Variants in ZYG11B observed in about 807,000 individuals in gnomAD.
The protein encoded by ZYG11B is protein zyg-11 homolog B.
Under a neutral mutation model 82.4 loss-of-function variants are expected in ZYG11B, and 36 were observed. The observed-to-expected ratio is 0.44, with a 90% CI of 0.33 to 0.58. The LOEUF is 0.58. Ranked by LOEUF, ZYG11B falls within the 20% of genes least tolerant of loss-of-function variation. ZYG11B has a pLI of 0.02. For missense variants in ZYG11B, 552 were observed against 895.6 expected, an observed-to-expected ratio of 0.62 and a Z score of 4.90; for synonymous variants, 303 against 312.8, an observed-to-expected ratio of 0.97 and a Z score of 0.33.
At chr1:52,740,448 G>GT (rs1337329503) in intron 1 of ZYG11B, among the ~76,000 whole-genome samples, 1 of 151,934 alleles carries the variant, frequency 6.6e-6, no homozygotes, top group Admixed American at 6.6e-5. Flanking sequence ...AGAGTAGTTG[G>GT]TGTTCTTTTA....
At chr1:52,781,987 C>T (rs1396056215) in intron 4 of ZYG11B, among the ~76,000 whole-genome samples, 1 of 151,444 alleles carries the variant, frequency 6.6e-6, no homozygotes, top group Non-Finnish European at 1.5e-5. Flanking sequence ...GATCTCTAGT[C>T]TTGATCTGAA....
intron 2 of ZYG11B, 86 bp from the exon 3 acceptor site, chr1:52,770,934 G>A (rs952439860): frequency 6.4e-6 from 9 of 1,400,136 alleles, no homozygotes; most frequent in African/African-American, 1.4e-5. Context: ...TTACATGGGA[G>A]CGCTTTGGAA....
At chr1:52,735,837 A>G (rs547714313) in intron 1 of ZYG11B, among the ~76,000 whole-genome samples, 1 of 152,282 alleles carries the variant, frequency 6.6e-6, no homozygotes, top group Non-Finnish European at 1.5e-5. Flanking sequence ...GTCTGAGACA[A>G]TAGACCCTGT....
At chr1:52,758,840 A>T (rs1182746317) in intron 2 of ZYG11B, among the ~76,000 whole-genome samples, 3 of 152,176 alleles carry the variant, frequency 2.0e-5, no homozygotes, top group Non-Finnish European at 4.4e-5. Context: ...TTAAAGTTAA[A>T]AGTCCCTTAC....
intron 4 of ZYG11B, among the ~76,000 whole-genome samples, 180 bp from the exon 5 acceptor site, chr1:52,784,697 T>C (rs926542726): frequency 6.6e-6 from 1 of 152,184 alleles, no homozygotes; most frequent in Non-Finnish European, 1.5e-5. Flanking sequence ...ATACCTGCCT[T>C]GGTGAGGTAG....
At position 52,825,060 on chromosome 1, in the gene ZYG11B, G is replaced by T. The variant is rs1007683062; in HGVS notation, c.*3431G>T. 8 of 152,044 alleles carry T rather than the reference G, an allele frequency of 5.3e-5. No homozygotes were observed. The highest frequency in any genetic ancestry group is 3.2e-3 in the Middle Eastern group (1 of 316). 9.4% of individuals were successfully genotyped at this position (152,044 alleles called of 1,614,324 possible). ...AGGAAATGGAATTTGACTTTTTAGA[G>T]TATAATGATGTTCTAGGGCATAATG... On this transcript the variant is annotated 3_prime_UTR_variant, in exon 14 of 14. Coordinates refer to ENST00000294353, the MANE Select transcript of ZYG11B (RefSeq NM_024646.3).
chr1:52,824,407 G>T lies in ZYG11B; in HGVS notation c.*2778G>T, dbSNP rs577802099. On this transcript the variant is annotated 3_prime_UTR_variant, in exon 14 of 14. Coordinates refer to ENST00000294353, the MANE Select transcript of ZYG11B (RefSeq NM_024646.3). ...TGTAATCCCAGCACTTTGGGAGGCCGAGGTGGGTGGATCACAAGGTCAGGA... is the reference window on the plus strand; with the variant it reads ...TGTAATCCCAGCACTTTGGGAGGCCTAGGTGGGTGGATCACAAGGTCAGGA... The T allele has an allele frequency of 2.6e-5, 4 of 152,194 alleles. No individual in the cohort carries two copies. The highest frequency in any genetic ancestry group is 5.9e-5 in the Non-Finnish European group (4 of 68,098). The allele number at this position is 152,194 out of a possible 1,614,324, so 9.4% of individuals were successfully genotyped here.
Position 52,825,185 on chromosome 1 carries a change from A to G in ZYG11B, c.*3556A>G, listed in dbSNP as rs1011622960. The G allele has an allele frequency of 1.3e-5, 2 of 152,160 alleles. No individual in the cohort carries two copies. The highest frequency in any genetic ancestry group is 2.4e-5 in the African/African-American group (1 of 41,440). 9.4% of individuals were successfully genotyped at this position (152,160 alleles called of 1,614,324 possible). ...TTAAGGTGTCTTATTTTTTGCATCA[A>G]GTAATTATTGCTGTGGTCTTTCTAC... On this transcript the variant is annotated 3_prime_UTR_variant, in exon 14 of 14. Transcript: ENST00000294353.
At chr1:52,808,758 C>T (rs1393636657) in intron 10 of ZYG11B, among the ~76,000 whole-genome samples, 6 of 152,132 alleles carry the variant, frequency 3.9e-5, no homozygotes, top group Admixed American at 3.9e-4. Flanking sequence ...TGACATTGTC[C>T]CACATGTTAC....
intron 4 of ZYG11B, among the ~76,000 whole-genome samples, chr1:52,783,703 G>T (rs1240775762): frequency 6.7e-6 from 1 of 148,546 alleles, no homozygotes; most frequent in African/African-American, 2.5e-5. Flanking sequence ...CTCACTACAG[G>T]CTCTGCCTCC....
chr1:52,733,038 G>T (rs920821044), intron 1 of ZYG11B, among the ~76,000 whole-genome samples: 2 of 152,094 alleles, frequency 1.3e-5, no homozygotes, highest in African/African-American at 4.8e-5. Context: ...GCTCATGCGT[G>T]GAAGCAATTG....
intron 1 of ZYG11B, among the ~76,000 whole-genome samples, chr1:52,746,876 G>GTTT (rs1406644636): frequency 1.6e-5 from 2 of 128,282 alleles, no homozygotes; most frequent in Non-Finnish European, 3.4e-5. Context: ...TATTTTTGGA[G>GTTT]TTTTTTTTTT....
chr1:52,787,376 A>T (rs1011278351), intron 5 of ZYG11B, among the ~76,000 whole-genome samples: 2 of 152,238 alleles, frequency 1.3e-5, no homozygotes, highest in East Asian at 3.8e-4. Context: ...ATATAAATAC[A>T]TGTTTTGATA....
chr1:52,787,634 A>G (rs1053211475), intron 5 of ZYG11B, among the ~76,000 whole-genome samples: 1 of 152,240 alleles, frequency 6.6e-6, no homozygotes, highest in African/African-American at 2.4e-5. Context: ...CTTGTTAGTA[A>G]GGCAGAATCT....
chr1:52,764,637 A>G (rs1644665307), intron 2 of ZYG11B, among the ~76,000 whole-genome samples: 1 of 152,220 alleles, frequency 6.6e-6, no homozygotes, highest in African/African-American at 2.4e-5. Flanking sequence ...ATGCAACATG[A>G]ATCTTGCTTT....
intron 5 of ZYG11B, 46 bp downstream of exon 5, chr1:52,785,099 C>T: frequency 1.3e-6 from 2 of 1,576,644 alleles, no homozygotes. Context: ...GTAGTGTCTT[C>T]TACTCATCTC....
chr1:52,780,138 A>G, intron 4 of ZYG11B, 145 bp downstream of exon 4: 1 of 779,456 alleles, frequency 1.3e-6, no homozygotes, highest in Non-Finnish European at 2.0e-6. Flanking sequence ...ATCATTAGCT[A>G]TAAACGAGAG....
At chr1:52,783,286 G>A (rs1014704383) in intron 4 of ZYG11B, among the ~76,000 whole-genome samples, 3 of 152,094 alleles carry the variant, frequency 2.0e-5, no homozygotes, top group African/African-American at 4.8e-5. Flanking sequence ...GATGGTAATC[G>A]TTTGAGGAAG....
chr1:52,825,076 G>A lies in ZYG11B; in HGVS notation c.*3447G>A, dbSNP rs1645313479. On this transcript the variant is annotated 3_prime_UTR_variant, in exon 14 of 14. Coordinates refer to ENST00000294353, the MANE Select transcript of ZYG11B (RefSeq NM_024646.3). ...CTTTTTAGAGTATAATGATGTTCTA[G>A]GGCATAATGAGGAAAATTTTTAAAA... 1.3e-5 allele frequency: 2 copies of A among 151,996 alleles called. No individual in the cohort carries two copies. The highest frequency in any genetic ancestry group is 2.9e-5 in the Non-Finnish European group (2 of 68,008). The allele number at this position is 151,996 out of a possible 1,614,324, so 9.4% of individuals were successfully genotyped here.
Sources: gnomAD v4.1 joint callset for allele counts (sites outside exome capture counted in the v4.1 genomes callset) on GRCh38, gnomAD v4.1.1 for gene constraint, MANE v1.5 for transcripts, NCBI Gene and HGNC (gene_info 2026-07-23, HGNC 2026-07-21) for gene names.